Variants in CNTN4 observed in about 807,000 individuals in gnomAD.
CNTN4 encodes contactin 4.
Under a neutral mutation model 122.5 loss-of-function variants are expected in CNTN4, and 77 were observed. The ratio of observed to expected loss-of-function variants is 0.63; its 90% CI spans 0.52 to 0.76. The LOEUF (loss-of-function observed/expected upper bound fraction) is 0.76, where lower values mean the gene tolerates loss of function less well. Ranked by LOEUF, CNTN4 falls within the 30% of genes least tolerant of loss-of-function variation. The probability of loss-of-function intolerance (pLI) is 0.00; values close to 1 mark genes in which losing one functional copy is unlikely to be tolerated. For synonymous variants in CNTN4, 512 were observed against 447.0 expected (o/e 1.15, Z -1.83); for missense variants, 1,256 against 1,259.1 (o/e 1.00, Z 0.04).
intron 23 of CNTN4, among the ~76,000 whole-genome samples, chr3:3,046,952 C>CA (rs370667664): frequency 5.2e-5 from 6 of 114,420 alleles, no homozygotes; most frequent in Non-Finnish European, 1.1e-4. Context: ...AAATGGAAAA[C>CA]AAAAAAAAGG....
intron 2 of CNTN4, among the ~76,000 whole-genome samples, chr3:2,120,974 GAGTT>G (rs2033737691): frequency 6.6e-6 from 1 of 152,140 alleles, no homozygotes; most frequent in African/African-American, 2.4e-5. Flanking sequence ...GAATCAGAGA[GAGTT>G]AGTATGAGGC....
At chr3:2,192,843 G>C (rs1157755706) in intron 2 of CNTN4, among the ~76,000 whole-genome samples, 2 of 152,072 alleles carry the variant, frequency 1.3e-5, no homozygotes, top group Non-Finnish European at 2.9e-5. Context: ...AAATAATGAG[G>C]TCAAACATTT....
At chr3:2,969,522 T>TATTATGATTATG (rs566689161) in intron 13 of CNTN4, among the ~76,000 whole-genome samples, 28 of 136,948 alleles carry the variant, frequency 2.0e-4, no homozygotes, top group African/African-American at 9.6e-4. Context: ...TTGGGATTAT[T>TATTATGATTATG]ATTATTATTA....
chr3:2,394,741 T>C (rs2046574800), intron 3 of CNTN4, among the ~76,000 whole-genome samples: 1 of 151,896 alleles, frequency 6.6e-6, no homozygotes, highest in Non-Finnish European at 1.5e-5. Context: ...AAAGGAGTTT[T>C]TCCAAGAGAA....
intron 3 of CNTN4, among the ~76,000 whole-genome samples, chr3:2,506,192 T>C (rs1468410046): frequency 2.0e-5 from 3 of 152,198 alleles, no homozygotes; most frequent in Middle Eastern, 3.2e-3. Flanking sequence ...CTGTGACTCC[T>C]GTCATGTAAA....
chr3:2,690,410 GC>G (rs1033819041), intron 4 of CNTN4, among the ~76,000 whole-genome samples: 2 of 152,064 alleles, frequency 1.3e-5, no homozygotes, highest in African/African-American at 4.8e-5. Context: ...CAGATACGTA[GC>G]CCCACACTAG....
chr3:2,585,268 G>A (rs1386649050), intron 4 of CNTN4, among the ~76,000 whole-genome samples: 1 of 151,786 alleles, frequency 6.6e-6, no homozygotes, highest in Non-Finnish European at 1.5e-5. Context: ...AACCATTGTG[G>A]AAGTCAGAGT....
chr3:2,468,380 T>G (rs1319253034), intron 3 of CNTN4, among the ~76,000 whole-genome samples: 1 of 152,098 alleles, frequency 6.6e-6, no homozygotes, highest in Non-Finnish European at 1.5e-5. Context: ...TTTGGGTCTG[T>G]GACTGCTTCT....
At chr3:2,931,234 G>A (rs998488589) in intron 13 of CNTN4, among the ~76,000 whole-genome samples, 2 of 152,072 alleles carry the variant, frequency 1.3e-5, no homozygotes, top group Non-Finnish European at 2.9e-5. Flanking sequence ...GGTGATATAC[G>A]GACTATTAAA....
intron 6 of CNTN4, among the ~76,000 whole-genome samples, chr3:2,797,703 A>C (rs1224857822): frequency 6.6e-6 from 1 of 152,208 alleles, no homozygotes; most frequent in African/African-American, 2.4e-5. Context: ...GAATGAACTG[A>C]ATCTCCAAGA....
chr3:2,312,687 A>C (rs1334115061), intron 2 of CNTN4, among the ~76,000 whole-genome samples: 1 of 152,144 alleles, frequency 6.6e-6, no homozygotes, highest in Non-Finnish European at 1.5e-5. Flanking sequence ...AAATCACATT[A>C]TGAGTATAAA....
intron 12 of CNTN4, among the ~76,000 whole-genome samples, chr3:2,904,047 G>A (rs1366044636): frequency 3.9e-5 from 6 of 152,092 alleles, no homozygotes; most frequent in African/African-American, 1.4e-4. Context: ...AAGACCAACA[G>A]CTTGCATTAT....
chr3:2,353,358 G>C (rs1024847707), intron 3 of CNTN4, among the ~76,000 whole-genome samples: 8 of 152,202 alleles, frequency 5.3e-5, no homozygotes, highest in African/African-American at 1.9e-4. Context: ...GGTGGGGTCA[G>C]ATAAGGGAAT....
intron 14 of CNTN4, among the ~76,000 whole-genome samples, chr3:3,015,399 A>G (rs1463723277): frequency 3.9e-5 from 6 of 152,206 alleles, no homozygotes; most frequent in Non-Finnish European, 8.8e-5. Context: ...AGAAAGCTTC[A>G]TCAATCAATC....
chr3:2,703,690 A>G (rs1389706583), intron 4 of CNTN4, among the ~76,000 whole-genome samples: 1 of 152,136 alleles, frequency 6.6e-6, no homozygotes, highest in Non-Finnish European at 1.5e-5. Context: ...TAAACATTAA[A>G]TGAAAGAAGA....
intron 3 of CNTN4, among the ~76,000 whole-genome samples, chr3:2,382,898 AC>A (rs1474832858): frequency 4.6e-5 from 7 of 151,886 alleles, no homozygotes; most frequent in African/African-American, 9.7e-5. Context: ...ACATGGTGAA[AC>A]CCCCATCTCT....
intron 2 of CNTN4, among the ~76,000 whole-genome samples, chr3:2,169,056 C>A (rs1416464043): frequency 6.6e-6 from 1 of 152,130 alleles, no homozygotes; most frequent in Non-Finnish European, 1.5e-5. Context: ...ATAGGGAACA[C>A]TTTCTATCTT....
rs192406336 is a variant in CNTN4 at position 2,739,236 on chromosome 3, C to T, written c.182+2895C>T. ...TTGACAAATTTAGAAAACTGACAAT[C>T]TGTTGGTGAAGATGAAGAGCAAACA... On this transcript the variant is annotated intron_variant, in intron 5 of 24. Transcript: ENST00000418658. 1.6e-4 allele frequency among the ~76,000 whole-genome samples: 24 copies of T among 151,984 alleles called. No homozygotes were observed. The East Asian group carries it at 4.6e-3, about 29-fold the overall frequency.
intron 3 of CNTN4, among the ~76,000 whole-genome samples, chr3:2,425,064 CT>C (rs2047769502): frequency 6.6e-6 from 1 of 152,144 alleles, no homozygotes; most frequent in South Asian, 2.1e-4. Flanking sequence ...TGCAGAAGCT[CT>C]TTGGTTTAAT....
Sources: gnomAD v4.1 joint callset for allele counts (sites outside exome capture counted in the v4.1 genomes callset) on GRCh38, gnomAD v4.1.1 for gene constraint, MANE v1.5 for transcripts, NCBI Gene and HGNC (gene_info 2026-07-23, HGNC 2026-07-21) for gene names.